Variants in C3 observed in about 807,000 individuals in gnomAD.
The protein encoded by C3 is complement C3.
C3 carries 97 observed loss-of-function variants against 207.9 expected under a neutral mutation model. The ratio of observed to expected loss-of-function variants is 0.47; its 90% CI spans 0.40 to 0.55. C3 has a LOEUF of 0.55. C3 is among the 20% of genes least tolerant of loss of function. C3 has a pLI of 0.00. For synonymous variants in C3, 848 were observed against 857.6 expected (o/e 0.99, Z 0.20); for missense variants, 1,684 against 2,171.7 (o/e 0.78, Z 4.46).
In C3 at chr19:6,710,928, C is replaced by A. The variant is rs189701893; in HGVS notation, c.1479+59G>T. On this transcript the variant is annotated intron_variant, in intron 12 of 40. Coordinates refer to ENST00000245907, the MANE Select transcript of C3 (RefSeq NM_000064.4). ...GGATCCGGGATGGGGGAAGGAGTCC[C>A]AGGGGTGCGGAAGAAACAAGGAGGA... 36 of 1,603,780 alleles carry A rather than the reference C, an allele frequency of 2.2e-5. No homozygotes were observed. In the Admixed American group the frequency reaches 4.5e-4, roughly 20 times the overall value.
At chr19:6,712,755 GC>G (rs1185436947) in intron 9 of C3, 132 bp from the exon 10 acceptor site, 20 of 788,858 alleles carry the variant, frequency 2.5e-5, no homozygotes, top group Non-Finnish European at 3.5e-5. Flanking sequence ...CTGGGCCTGT[GC>G]CCCCCATCAG....
At chr19:6,687,348 GTCA>G (rs958832826) in intron 27 of C3, among the ~76,000 whole-genome samples, 4 of 152,140 alleles carry the variant, frequency 2.6e-5, no homozygotes, top group African/African-American at 7.2e-5. Flanking sequence ...ACCTCATCCA[GTCA>G]TCATCATCAT....
intron 40 of C3, 63 bp from the exon 41 acceptor site, chr19:6,678,086 A>C: frequency 6.2e-7 from 1 of 1,613,708 alleles, no homozygotes; most frequent in Admixed American, 1.7e-5. Context: ...GGGCGTGACA[A>C]TGGTGTGGGC....
At position 6,686,588 on chromosome 19, in the gene C3, G is replaced by A. The variant is rs565296238; in HGVS notation, c.3646+158C>T. 1.0e-5 allele frequency: 9 copies of A among 862,812 alleles called. No individual in the cohort carries two copies. In the African/African-American group the frequency reaches 1.3e-4, roughly 13 times the overall value. 53.4% of individuals were successfully genotyped at this position (862,812 alleles called of 1,614,324 possible). ...AGCCGTGCATCCCAGCTCAGCTCAGGGTTATGCATCCCAGCTTGATACCTT... is the reference window on the plus strand; with the variant it reads ...AGCCGTGCATCCCAGCTCAGCTCAGAGTTATGCATCCCAGCTTGATACCTT... On this transcript the variant is annotated intron_variant, in intron 28 of 40. Transcript: ENST00000245907.
rs150631639 is a variant in C3 at position 6,719,196 on chromosome 19, C to T, written c.267+15G>A. On this transcript the variant is annotated intron_variant, in intron 2 of 40. Transcript: ENST00000245907. This position sits in a 1 kb window ranked among gnomAD's most constrained non-coding sequence, Gnocchi z 5.4. ...CTGTGGGTGTCAGCCGGGTCCTGCG[C>T]CAGTCTGCACTCACCGTGAAGGTGA... The T allele has an allele frequency of 6.2e-7, 1 of 1,613,050 alleles. No homozygotes were observed. Among genetic ancestry groups the T allele is most frequent in the Non-Finnish European group, 8.5e-7 (1 of 1,179,190 alleles).
Position 6,685,097 on chromosome 19 carries a change from G to C in C3, c.3860C>G (p.Pro1287Arg). 1 of 1,614,090 alleles carries C rather than the reference G, an allele frequency of 6.2e-7. No individual in the cohort carries two copies. Among genetic ancestry groups the C allele is most frequent in the Non-Finnish European group, 8.5e-7 (1 of 1,179,964 alleles). ...QALAQYQKDA[P>R]DHQELNLDVS... ...ATCAAGGTTCAGTTCCTGGTGGTCA[G>C]GGGCGTCCTTTTGGTATTGAGCCAA... The change falls in exon 30 of 41, where the codon CCT (proline) becomes CGT (arginine). Residue 1287 changes from proline (P) to arginine (R), a missense_variant. Physicochemically the swap from Pro to Arg is moderately radical, Grantham distance 103 (BLOSUM62 -2). Coordinates refer to ENST00000245907, the MANE Select transcript of C3 (RefSeq NM_000064.4).
chr19:6,710,629 GCA>G lies in C3; in HGVS notation c.1686+8_1686+9del. 6.2e-7 allele frequency: 1 copy of G among 1,610,588 alleles called. No individual in the cohort carries two copies. Among genetic ancestry groups the G allele is most frequent in the South Asian group, 1.1e-5 (1 of 90,940 alleles). ...GGGAGAGGGGGCGAGCGAGCCCAGG[GCA>G]CACTTACCGAGCCCACGCAGGAGTC... On this transcript the variant is annotated splice_region_variant and intron_variant, in intron 13 of 40. Coordinates refer to ENST00000245907, the MANE Select transcript of C3 (RefSeq NM_000064.4).
intron 13 of C3, 148 bp from the exon 14 acceptor site, chr19:6,709,990 A>T: frequency 2.0e-6 from 1 of 512,134 alleles, no homozygotes; most frequent in Non-Finnish European, 3.4e-6. Context: ...AGAGAGAGAG[A>T]AAGGGAGAGA....
chr19:6,686,972 C>A, intron 27 of C3, 70 bp from the exon 28 acceptor site: 1 of 1,484,836 alleles, frequency 6.7e-7, no homozygotes, highest in Non-Finnish European at 9.4e-7. Context: ...ATCATTCGAG[C>A]AGCACTTCCT....
Position 6,720,585 on chromosome 19 carries a change from C to T in C3, c.5G>A (p.Gly2Glu). 3.8e-6 allele frequency: 6 copies of T among 1,578,416 alleles called. No individual in the cohort carries two copies. Among genetic ancestry groups the T allele is most frequent in the Non-Finnish European group, 5.2e-6 (6 of 1,161,656 alleles). The change falls in exon 1 of 41, where the codon GGA (glycine) becomes GAA (glutamate). Residue 2 changes from glycine to glutamate, a missense_variant. Around this residue, in one of 3 missense-constraint regions of C3, gnomAD observed 58 missense variants for 52.5 expected, o/e 1.10. Transcript: ENST00000245907. The part of the protein sequence containing the change: M[G>E]PTSGPSLLLL... The stretch of plus-strand genomic sequence containing the variant: ...CAGCAGGCTGGGACCTGAGGTGGGT[C>T]CCATGGTGCTGGGACAGTGCAGGGT...
At position 6,707,232 on chromosome 19, in the gene C3, C is replaced by T; in HGVS notation, c.2089G>A (p.Gly697Ser). The change falls in exon 17 of 41, where the codon GGC becomes AGC. Residue 697 changes from glycine (G) to serine (S), a missense_variant. Gly to Ser is a moderately conservative substitution (Grantham distance 56). This residue lies in a region of C3 where 1,280 missense variants were observed against 1,739.1 expected (regional missense o/e 0.74). Transcript: ENST00000245907. ...PKELRKCCEDGMRENPMRFSC... is the reference protein window; with the variant it reads ...PKELRKCCEDSMRENPMRFSC... ...AACCTCATGGGGTTCTCCCGCATGCCGTCCTCGCAGCACTTGCGCAGCTCC... is the reference window on the plus strand; with the variant it reads ...AACCTCATGGGGTTCTCCCGCATGCTGTCCTCGCAGCACTTGCGCAGCTCC... 8.1e-6 allele frequency: 13 copies of T among 1,613,198 alleles called. No homozygotes were observed. Among genetic ancestry groups the T allele is most frequent in the South Asian group, 1.1e-5 (1 of 90,988 alleles).
At chr19:6,713,004 C>G (rs974416047) in intron 9 of C3, among the ~76,000 whole-genome samples, 185 bp downstream of exon 9, 1 of 152,206 alleles carries the variant, frequency 6.6e-6, no homozygotes, top group African/African-American at 2.4e-5. Flanking sequence ...CTGCCTCCCC[C>G]CATCAGGCTG....
rs201726041 is a variant in C3 at position 6,697,810 on chromosome 19, C to A, written c.2441-16G>T. ...ACACAGATCCCTGCTCGGGCAGAGA[C>A]AGAACACGGAGTGTCAAGGTCGGGG... On this transcript the variant is annotated splice_polypyrimidine_tract_variant and intron_variant, in intron 19 of 40. Coordinates refer to ENST00000245907, the MANE Select transcript of C3 (RefSeq NM_000064.4). 1.6e-5 allele frequency: 26 copies of A among 1,610,502 alleles called. No individual in the cohort carries two copies. In the Admixed American group the frequency reaches 2.5e-4, roughly 16 times the overall value.
intron 4 of C3, chr19:6,717,513 T>C (rs1214715398): frequency 4.4e-6 from 1 of 226,974 alleles, no homozygotes; most frequent in African/African-American, 2.3e-5. Flanking sequence ...TGTTGTGTGG[T>C]CGTGTATGTT....
chr19:6,709,822 C>T lies in C3; in HGVS notation c.1707G>A (p.Gln569=), dbSNP rs1188223652. Reference sequence around the variant, plus strand: ...CAGGTACAGGCTGCCGGTCTTCTGACTGGCCGCTTTTTACCACCAGCTGTG... The same window carrying T: ...CAGGTACAGGCTGCCGGTCTTCTGATTGGCCGCTTTTTACCACCAGCTGTG... ...CVGSLVVKSG[Q]SEDRQPVPGQ... The change falls in exon 14 of 41, where the codon CAG becomes CAA. Residue 569 remains glutamine, a synonymous_variant. Coordinates refer to ENST00000245907, the MANE Select transcript of C3 (RefSeq NM_000064.4). 8.7e-6 allele frequency: 14 copies of T among 1,613,908 alleles called. No homozygotes were observed. In the South Asian group the frequency reaches 1.5e-4, roughly 18 times the overall value.
Position 6,702,148 on chromosome 19 carries a change from C to T in C3, c.2419G>A (p.Val807Met). The change falls in exon 19 of 41, where the codon GTG becomes ATG. Residue 807 changes from valine to methionine, a missense_variant. Around this residue, in one of 3 missense-constraint regions of C3, gnomAD observed 1,280 missense variants for 1,739.1 expected, o/e 0.74. Transcript: ENST00000245907. ...TCACCTTTCTTGTCCGACATGCTCACAGCCAGAATCTCCCACGTGGTGATG... is the reference window on the plus strand; with the variant it reads ...TCACCTTTCTTGTCCGACATGCTCATAGCCAGAATCTCCCACGTGGTGATG... ...DSITTWEILA[V>M]SMSDKKGICV... 6.2e-7 allele frequency: 1 copy of T among 1,602,986 alleles called. No individual in the cohort carries two copies. The highest frequency in any genetic ancestry group is 1.1e-5 in the South Asian group (1 of 90,860).
In C3 at chr19:6,719,439, C is replaced by A; in HGVS notation, c.75-36G>T. ...GGGGCACGGGAGTGGGCTTGTCATT[C>A]CACGGATGTGAGACGCCAGTCCTCA... On this transcript the variant is annotated intron_variant, in intron 1 of 40. Transcript: ENST00000245907. This position sits in a 1 kb window ranked among gnomAD's most constrained non-coding sequence, Gnocchi z 5.4. 6.3e-7 allele frequency: 1 copy of A among 1,593,532 alleles called. No homozygotes were observed. The highest frequency in any genetic ancestry group is 2.2e-5 in the East Asian group (1 of 44,732).
rs2250656 is a variant in C3 at position 6,718,523 on chromosome 19, T to C, written c.268-111A>G. On this transcript the variant is annotated intron_variant, in intron 2 of 40. Coordinates refer to ENST00000245907, the MANE Select transcript of C3 (RefSeq NM_000064.4). ...CTTGCCTGCCCATTATTCTTGGTCT[T>C]CCGAGGTGGCCGTTTTGGGGAGGGA... The C allele has an allele frequency of 0.28, 371,544 of 1,340,566 alleles. 52,315 individuals are homozygous for C. The highest frequency in any genetic ancestry group is 0.29 in the Non-Finnish European group (271,577 of 943,320). The allele number at this position is 1,340,566 out of a possible 1,614,324, so 83.0% of individuals were successfully genotyped here. A position where few individuals can be genotyped will look rare whatever the true frequency, so the allele number is the denominator to read the frequency against.
Position 6,707,246 on chromosome 19 carries a change from T to G in C3, c.2075A>C (p.Lys692Thr), listed in dbSNP as rs747511251. 6.2e-7 allele frequency: 1 copy of G among 1,612,490 alleles called. No individual in the cohort carries two copies. Among genetic ancestry groups the G allele is most frequent in the Non-Finnish European group, 8.5e-7 (1 of 1,179,354 alleles). Residue 692 changes from lysine (K) to threonine (T), a missense_variant, in exon 17 of 41, where the codon AAG (lysine) becomes ACG (threonine). Physicochemically the swap from Lys to Thr is moderately conservative, Grantham distance 78. This residue lies in a region of C3 where 1,280 missense variants were observed against 1,739.1 expected (regional missense o/e 0.74). Coordinates refer to ENST00000245907, the MANE Select transcript of C3 (RefSeq NM_000064.4). Reference sequence around the variant, plus strand: ...CTCCCGCATGCCGTCCTCGCAGCACTTGCGCAGCTCCTTGGGGTACTTGCC... The same window carrying G: ...CTCCCGCATGCCGTCCTCGCAGCACGTGCGCAGCTCCTTGGGGTACTTGCC... ...KVGKYPKELR[K>T]CCEDGMRENP...
Sources: allele counts gnomAD v4.1 joint callset (sites outside exome capture counted in the v4.1 genomes callset), GRCh38; gene constraint gnomAD v4.1.1; regional missense constraint gnomAD v4.1.1; non-coding constraint Gnocchi (gnomAD v3.1); transcripts MANE v1.5; gene names NCBI Gene and HGNC (gene_info 2026-07-23, HGNC 2026-07-21).